PTPRM: variants seen among roughly 807,000 people sequenced by gnomAD.
The protein encoded by PTPRM is receptor-type tyrosine-protein phosphatase mu.
A neutral mutation model predicts 186.7 loss-of-function variants in PTPRM; 47 were observed. The ratio of observed to expected loss-of-function variants is 0.25; its 90% CI spans 0.20 to 0.32. The LOEUF (loss-of-function observed/expected upper bound fraction) is 0.32. Among genes scored for constraint, PTPRM ranks in the 10% least tolerant of loss-of-function variants. The pLI, the probability that PTPRM is intolerant of heterozygous loss-of-function variation, is 1.00. For missense variants in PTPRM, 1,494 were observed against 1,865.0 expected (o/e 0.80, Z 3.66); for synonymous variants, 668 against 674.9 (o/e 0.99, Z 0.16).
At chr18:7,841,392 C>T (rs1268242058) in intron 2 of PTPRM, among the ~76,000 whole-genome samples, 2 of 148,716 alleles carry the variant, frequency 1.3e-5, no homozygotes, top group Non-Finnish European at 3.0e-5. Context: ...CCTGGGTTCA[C>T]GCCATTCTCC....
intron 1 of PTPRM, among the ~76,000 whole-genome samples, chr18:7,633,500 C>T (rs2038239697): frequency 1.3e-5 from 2 of 152,076 alleles, no homozygotes; most frequent in Non-Finnish European, 2.9e-5. Context: ...ACTTGACTTC[C>T]ATCTTCTTAG....
At chr18:7,775,917 A>G (rs938005881) in intron 2 of PTPRM, among the ~76,000 whole-genome samples, 4 of 152,158 alleles carry the variant, frequency 2.6e-5, no homozygotes, top group Non-Finnish European at 4.4e-5. Flanking sequence ...CTTTTTTTCA[A>G]TGGCCCACCT....
intron 10 of PTPRM, among the ~76,000 whole-genome samples, chr18:8,087,331 A>G (rs1411185543): frequency 2.0e-5 from 3 of 152,136 alleles, no homozygotes; most frequent in Non-Finnish European, 4.4e-5. Flanking sequence ...TCTGATCAAC[A>G]TGGCCGTATT....
intron 2 of PTPRM, among the ~76,000 whole-genome samples, chr18:7,880,132 C>G (rs924060886): frequency 1.2e-4 from 18 of 152,150 alleles, no homozygotes; most frequent in Non-Finnish European, 2.6e-4. Flanking sequence ...TCAATTAACT[C>G]CCACTGGGAC....
At chr18:7,846,682 G>A (rs960440883) in intron 2 of PTPRM, among the ~76,000 whole-genome samples, 20 of 152,184 alleles carry the variant, frequency 1.3e-4, no homozygotes, top group African/African-American at 4.3e-4. Context: ...GCCTAGGGAA[G>A]CGCACAGCCC....
At chr18:8,364,748 C>A (rs2095618024) in intron 23 of PTPRM, among the ~76,000 whole-genome samples, 1 of 152,194 alleles carries the variant, frequency 6.6e-6, no homozygotes, top group Admixed American at 6.5e-5. Flanking sequence ...AAACTTGTAA[C>A]TGCCTTATTC....
At chr18:8,093,029 T>C (rs1369128229) in intron 11 of PTPRM, among the ~76,000 whole-genome samples, 1 of 152,094 alleles carries the variant, frequency 6.6e-6, no homozygotes, top group Non-Finnish European at 1.5e-5. Flanking sequence ...GAGATAATCA[T>C]GCATTTTTGT....
At chr18:7,717,519 TG>T (rs2040361874) in intron 1 of PTPRM, among the ~76,000 whole-genome samples, 1 of 152,218 alleles carries the variant, frequency 6.6e-6, no homozygotes, top group African/African-American at 2.4e-5. Flanking sequence ...TCATTTTTCT[TG>T]GACACTGGAC....
At chr18:8,337,001 AGAAAG>A (rs1405234015) in intron 22 of PTPRM, among the ~76,000 whole-genome samples, 1 of 152,128 alleles carries the variant, frequency 6.6e-6, no homozygotes, top group Admixed American at 6.5e-5. Context: ...CATTTTAAAA[AGAAAG>A]AAAAGAAAAG....
intron 1 of PTPRM, among the ~76,000 whole-genome samples, chr18:7,765,403 T>A (rs1481784377): frequency 6.6e-6 from 1 of 152,246 alleles, no homozygotes; most frequent in Non-Finnish European, 1.5e-5. Context: ...TCTATAATGC[T>A]TAGTGTCTGA....
intron 2 of PTPRM, among the ~76,000 whole-genome samples, chr18:7,820,447 C>T (rs1341370758): frequency 1.3e-5 from 2 of 152,198 alleles, no homozygotes; most frequent in Non-Finnish European, 2.9e-5. Flanking sequence ...ACCCCCAAAT[C>T]CATTCACTTT....
At chr18:7,592,063 C>T (rs962639290) in intron 1 of PTPRM, among the ~76,000 whole-genome samples, 1 of 152,182 alleles carries the variant, frequency 6.6e-6, no homozygotes, top group South Asian at 2.1e-4. Context: ...TTTTAGTGAC[C>T]CGTTGTTTGA....
At position 7,924,079 on chromosome 18, in the gene PTPRM, A is replaced by G. The variant is rs940123694; in HGVS notation, c.548-2489A>G. On this transcript the variant is annotated intron_variant, in intron 4 of 32. Coordinates refer to ENST00000580170, the MANE Select transcript of PTPRM (RefSeq NM_001105244.2). Reference sequence around the variant, plus strand: ...AACTATAAACTCAGATTCTGAGTCCAGAAGGCAGCCAGTTGTGATTTCCGG... The same window carrying G: ...AACTATAAACTCAGATTCTGAGTCCGGAAGGCAGCCAGTTGTGATTTCCGG... 2.3e-4 allele frequency among the ~76,000 whole-genome samples: 35 copies of G among 152,388 alleles called. 1 individual carries two copies. The highest frequency in any genetic ancestry group is 3.5e-4 in the Non-Finnish European group (24 of 68,042).
At chr18:8,233,721 A>G (rs1437013902) in intron 14 of PTPRM, among the ~76,000 whole-genome samples, 1 of 152,112 alleles carries the variant, frequency 6.6e-6, no homozygotes, top group East Asian at 1.9e-4. Context: ...AGTCATTGCC[A>G]TATCCAAGGT....
At chr18:7,569,736 C>T (rs1378030907) in intron 1 of PTPRM, among the ~76,000 whole-genome samples, 1 of 152,194 alleles carries the variant, frequency 6.6e-6, no homozygotes, top group Non-Finnish European at 1.5e-5. Flanking sequence ...TGTACTGACC[C>T]ATGTCCTTGT....
At chr18:7,631,381 C>T (rs1047159211) in intron 1 of PTPRM, among the ~76,000 whole-genome samples, 1 of 151,170 alleles carries the variant, frequency 6.6e-6, no homozygotes, top group Non-Finnish European at 1.5e-5. Flanking sequence ...GTGTTGATAA[C>T]TGTGATAAGA....
At chr18:8,272,781 A>G (rs1294600362) in intron 19 of PTPRM, among the ~76,000 whole-genome samples, 2 of 152,112 alleles carry the variant, frequency 1.3e-5, no homozygotes, top group African/African-American at 4.8e-5. Context: ...TATATTTTTT[A>G]GATCAAGCTT....
rs756330849 is a variant in PTPRM, at chr18:7,668,266, A to G, written c.73+100375A>G. ...TGACAGCTCTGGTGTGAATAGTCAC[A>G]GTGCCACCATTTTGGGTCCTGGTAA... On this transcript the variant is annotated intron_variant, in intron 1 of 32. Coordinates refer to ENST00000580170, the MANE Select transcript of PTPRM (RefSeq NM_001105244.2). The surrounding 1 kb of genome is among the most constrained non-coding windows in gnomAD (Gnocchi z 4.7). Among the ~76,000 whole-genome samples, 7 of 152,162 alleles carry G rather than the reference A, an allele frequency of 4.6e-5. No individual in the cohort carries two copies. The highest frequency in any genetic ancestry group is 7.3e-5 in the Non-Finnish European group (5 of 68,038).
intron 1 of PTPRM, among the ~76,000 whole-genome samples, chr18:7,600,456 G>A (rs2037372877): frequency 6.6e-6 from 1 of 152,190 alleles, no homozygotes; most frequent in Non-Finnish European, 1.5e-5. Context: ...CAACCCACAA[G>A]TGTTGACTGA....
Sources: allele counts gnomAD v4.1 joint callset (sites outside exome capture counted in the v4.1 genomes callset), GRCh38; gene constraint gnomAD v4.1.1; non-coding constraint Gnocchi (gnomAD v3.1); transcripts MANE v1.5; gene names NCBI Gene and HGNC (gene_info 2026-07-23, HGNC 2026-07-21).